YEATS2: variants seen among roughly 807,000 people sequenced by gnomAD.
YEATS2 encodes YEATS domain-containing protein 2.
Under a neutral mutation model 163.2 loss-of-function variants are expected in YEATS2, and 77 were observed. That is an observed-to-expected ratio of 0.47 (90% CI 0.39 to 0.57). The LOEUF is 0.57. YEATS2 is among the 20% of genes least tolerant of loss of function. YEATS2 has a pLI of 0.00. For synonymous variants in YEATS2, 631 were observed against 645.1 expected, an observed-to-expected ratio of 0.98 and a Z score of 0.33; for missense variants, 1,549 against 1,729.8, an observed-to-expected ratio of 0.90 and a Z score of 1.85.
chr3:183,779,407 T>G (rs1489586314), intron 19 of YEATS2, among the ~76,000 whole-genome samples: 1 of 152,210 alleles, frequency 6.6e-6, no homozygotes, highest in African/African-American at 2.4e-5. Flanking sequence ...TAAATCTTCC[T>G]TAGATTTCAC....
intron 8 of YEATS2, among the ~76,000 whole-genome samples, chr3:183,745,428 A>G (rs577504402): frequency 3.9e-5 from 6 of 152,146 alleles, no homozygotes; most frequent in Middle Eastern, 3.4e-3. Flanking sequence ...ATGGCAGTCT[A>G]TTCATGTCAT....
chr3:183,730,103 C>CGT (rs1717617286), intron 7 of YEATS2, among the ~76,000 whole-genome samples: 1 of 100,588 alleles, frequency 9.9e-6, no homozygotes, highest in South Asian at 3.6e-4. Flanking sequence ...CACATCCTGT[C>CGT]GTCCATGCTG....
chr3:183,779,645 T>C (rs1723356157), intron 19 of YEATS2, among the ~76,000 whole-genome samples: 1 of 152,222 alleles, frequency 6.6e-6, no homozygotes, highest in African/African-American at 2.4e-5. Flanking sequence ...CAAAAGTCCC[T>C]GACCAACGGA....
chr3:183,804,823 T>TA (rs958022075), intron 27 of YEATS2, among the ~76,000 whole-genome samples: 22 of 151,464 alleles, frequency 1.5e-4, no homozygotes, highest in African/African-American at 4.9e-4. Flanking sequence ...CCATCTCTAC[T>TA]AAAAAAACAA....
At chr3:183,745,282 T>C (rs1719409448) in intron 8 of YEATS2, among the ~76,000 whole-genome samples, 1 of 152,248 alleles carries the variant, frequency 6.6e-6, no homozygotes, top group Non-Finnish European at 1.5e-5. Flanking sequence ...ACCTTTCTGC[T>C]ATCCCTTTCA....
intron 6 of YEATS2, among the ~76,000 whole-genome samples, chr3:183,728,037 T>A (rs1447022674): frequency 1.3e-5 from 2 of 152,134 alleles, no homozygotes; most frequent in East Asian, 3.8e-4. Flanking sequence ...ATGTTTTATT[T>A]ATTTTATTAT....
intron 21 of YEATS2, among the ~76,000 whole-genome samples, chr3:183,797,626 C>T (rs576685775): frequency 1.8e-4 from 27 of 151,864 alleles, no homozygotes; most frequent in South Asian, 6.3e-4. Flanking sequence ...TTTGGGAGGC[C>T]GAGGCAAGAA....
intron 1 of YEATS2, among the ~76,000 whole-genome samples, chr3:183,699,451 A>T (rs911960948): frequency 2.0e-5 from 3 of 151,724 alleles, no homozygotes; most frequent in Non-Finnish European, 2.9e-5. Context: ...CGGTGCTCAC[A>T]CCTGAAATCC....
In YEATS2 at chr3:183,765,579, T is replaced by A. The variant is rs529709191; in HGVS notation, c.1947+3300T>A. On this transcript the variant is annotated intron_variant, in intron 15 of 30. Transcript: ENST00000305135. ...TTACCCAGGAAATGGAATCCATGAT[T>A]AGCAGTTGAGATAAGGAGCTGTCTG... Among the ~76,000 whole-genome samples, 5 of 152,346 alleles carry A rather than the reference T, an allele frequency of 3.3e-5. No individual in the cohort carries two copies. In the South Asian group the frequency reaches 1.0e-3, roughly 32 times the overall value.
At position 183,724,438 on chromosome 3, in the gene YEATS2, G is replaced by T; in HGVS notation, c.557G>T (p.Gly186Val). Reference sequence around the variant, plus strand: ...TTTCAGGATACTTCTAGAATTACTGGCTCCCATAAAACAGAACAGCGGAAT... The same window carrying T: ...TTTCAGGATACTTCTAGAATTACTGTCTCCCATAAAACAGAACAGCGGAAT... ...NTGRDTSRITGSHKTEQRNAD... is the reference protein window; with the variant it reads ...NTGRDTSRITVSHKTEQRNAD... The change falls in exon 6 of 31, where the codon GGC becomes GTC. Residue 186 changes from glycine (G) to valine (V), a missense_variant. Gly to Val is a moderately radical substitution (Grantham distance 109). Transcript: ENST00000305135. 6.2e-7 allele frequency: 1 copy of T among 1,611,574 alleles called. No homozygotes were observed. The highest frequency in any genetic ancestry group is 8.5e-7 in the Non-Finnish European group (1 of 1,179,088).
At chr3:183,744,684 C>T (rs1719341818) in intron 8 of YEATS2, among the ~76,000 whole-genome samples, 1 of 152,096 alleles carries the variant, frequency 6.6e-6, no homozygotes, top group African/African-American at 2.4e-5. Context: ...TGTGTTGTAG[C>T]CTTGTGATCC....
intron 28 of YEATS2, chr3:183,807,802 T>C: frequency 2.2e-6 from 1 of 452,418 alleles, no homozygotes. Context: ...GAGATTTTAA[T>C]AGGATTATAG....
At chr3:183,765,845 G>T (rs987248439) in intron 15 of YEATS2, among the ~76,000 whole-genome samples, 2 of 152,036 alleles carry the variant, frequency 1.3e-5, no homozygotes, top group African/African-American at 4.8e-5. Flanking sequence ...TACTTGGGAG[G>T]CTGAGGCAGG....
At chr3:183,767,160 G>C (rs1048412590) in intron 15 of YEATS2, among the ~76,000 whole-genome samples, 2 of 152,092 alleles carry the variant, frequency 1.3e-5, no homozygotes, top group African/African-American at 4.8e-5. Flanking sequence ...TCTCCCAGGC[G>C]GTGTGCACAA....
intron 15 of YEATS2, among the ~76,000 whole-genome samples, chr3:183,763,364 A>C (rs76368264): frequency 0.026 from 3,935 of 152,324 alleles, 162 homozygotes; most frequent in African/African-American, 0.09. Context: ...TATAGAAAAG[A>C]TACTGTAAAA....
intron 16 of YEATS2, among the ~76,000 whole-genome samples, chr3:183,772,910 T>TA (rs1229624284): frequency 6.6e-6 from 1 of 152,210 alleles, no homozygotes; most frequent in East Asian, 1.9e-4. Context: ...CTGTACTGTT[T>TA]ACGTATAACC....
chr3:183,712,199 T>G lies in YEATS2; in HGVS notation c.-19-2945T>G, dbSNP rs7642326. Among the ~76,000 whole-genome samples, 726 of 93,830 alleles carry G rather than the reference T, an allele frequency of 7.7e-3. 8 individuals carry two copies. Among genetic ancestry groups the G allele is most frequent in the African/African-American group, 0.041 (643 of 15,846 alleles). 61.6% of individuals were successfully genotyped at this position (93,830 alleles called of 152,430 possible). ...AGCATTTTATGTTCTTTTATTTTAT[T>G]TTATTTTATTTTATTTTATTTTATT... On this transcript the variant is annotated intron_variant, in intron 1 of 30. Transcript: ENST00000305135.
chr3:183,799,091 C>T (rs1725430195), intron 23 of YEATS2, 102 bp downstream of exon 23: 2 of 869,428 alleles, frequency 2.3e-6, no homozygotes, highest in Admixed American at 2.0e-5. Flanking sequence ...GGGACATTAC[C>T]ATAATCTGAA....
chr3:183,768,076 A>G (rs1722089281), intron 15 of YEATS2, among the ~76,000 whole-genome samples: 1 of 152,250 alleles, frequency 6.6e-6, no homozygotes, highest in East Asian at 1.9e-4. Context: ...CTGCTATCTT[A>G]GTTAAGAGAA....
Sources: gnomAD v4.1 joint callset for allele counts (sites outside exome capture counted in the v4.1 genomes callset) on GRCh38, gnomAD v4.1.1 for gene constraint, MANE v1.5 for transcripts, NCBI Gene and HGNC (gene_info 2026-07-23, HGNC 2026-07-21) for gene names.